The following CACNA1S variants were observed in gnomAD, a reference collection of about 807,000 sequenced individuals.
CACNA1S encodes the protein calcium voltage-gated channel subunit alpha1 S.
In CACNA1S, 126 loss-of-function variants were observed where a neutral mutation model predicts 207.4. The observed-to-expected ratio is 0.61, with a 90% CI of 0.53 to 0.70. The LOEUF (loss-of-function observed/expected upper bound fraction) is 0.70, where lower values mean the gene tolerates loss of function less well. CACNA1S is among the 30% of genes least tolerant of loss of function. The pLI, the probability that CACNA1S is intolerant of heterozygous loss-of-function variation, is 0.00. For missense variants in CACNA1S, 2,349 were observed against 2,422.8 expected, an observed-to-expected ratio of 0.97 and a Z score of 0.64; for synonymous variants, 960 against 932.7, an observed-to-expected ratio of 1.03 and a Z score of -0.53.
intron 35 of CACNA1S, 91 bp downstream of exon 35, chr1:201,048,912 T>A: frequency 9.4e-7 from 1 of 1,069,236 alleles, no homozygotes; most frequent in East Asian, 2.5e-5. Context: ...GGCTCTACAA[T>A]GCTTCACTCC....
Position 201,066,238 on chromosome 1 carries a change from C to A in CACNA1S, c.2736G>T (p.Lys912Asn), listed in dbSNP as rs1432361355. The change falls in exon 21 of 44, where the codon AAG (lysine) becomes AAT (asparagine). Residue 912 changes from lysine to asparagine, a missense_variant. By Grantham distance (94) the Lys-to-Asn change is moderately conservative (BLOSUM62 0). Coordinates refer to ENST00000362061, the MANE Select transcript of CACNA1S (RefSeq NM_000069.3). The surrounding 1 kb of genome is among the most constrained non-coding windows in gnomAD (Gnocchi z 4.3). ...CCGGGCCCTCTCTCACCTTCAACCC[C>A]TTGGCTCTGTTGATGGCTCTGAGTG... ...LRPLRAINRA[K>N]GLKHVVQCMF... 1 of 1,613,934 alleles carries A rather than the reference C, an allele frequency of 6.2e-7. No individual in the cohort carries two copies. Among genetic ancestry groups the A allele is most frequent in the South Asian group, 1.1e-5 (1 of 91,074 alleles).
Position 201,087,944 on chromosome 1 carries a change from A to C in CACNA1S, c.901-15T>G, listed in dbSNP as rs778471635. 2 of 1,554,516 alleles carry C rather than the reference A, an allele frequency of 1.3e-6. No individual in the cohort carries two copies. Among genetic ancestry groups the C allele is most frequent in the South Asian group, 1.1e-5 (1 of 89,230 alleles). ...GCATCATTGACCTGGTCAGGACAGAAGTGTGATCCTCTGAGTTGAGGGCTT... is the reference window on the plus strand; with the variant it reads ...GCATCATTGACCTGGTCAGGACAGACGTGTGATCCTCTGAGTTGAGGGCTT... On this transcript the variant is annotated splice_polypyrimidine_tract_variant and intron_variant, in intron 6 of 43. Coordinates refer to ENST00000362061, the MANE Select transcript of CACNA1S (RefSeq NM_000069.3).
chr1:201,108,968 CT>C (rs2102188921), intron 2 of CACNA1S, among the ~76,000 whole-genome samples: 1 of 152,324 alleles, frequency 6.6e-6, no homozygotes, highest in Non-Finnish European at 1.5e-5. Flanking sequence ...CAGGTTCTGG[CT>C]AGGTGTGGTG....
intron 7 of CACNA1S, among the ~76,000 whole-genome samples, chr1:201,087,153 C>A (rs1314930830): frequency 2.6e-5 from 4 of 152,086 alleles, no homozygotes; most frequent in Non-Finnish European, 5.9e-5. Flanking sequence ...TTAATAATGA[C>A]CATTAGTATT....
chr1:201,107,450 A>G (rs781410725), intron 2 of CACNA1S, among the ~76,000 whole-genome samples: 3 of 152,204 alleles, frequency 2.0e-5, no homozygotes, highest in Non-Finnish European at 4.4e-5. Context: ...TATTATATTT[A>G]CTTGTTTAAT....
At chr1:201,110,840 C>T (rs536275198) in intron 1 of CACNA1S, among the ~76,000 whole-genome samples, 11 of 152,308 alleles carry the variant, frequency 7.2e-5, no homozygotes, top group African/African-American at 2.4e-4. Context: ...ACACCCACCC[C>T]GCCACAGCCA....
Position 201,039,959 on chromosome 1 carries a change from G to A in CACNA1S, c.5494C>T (p.Leu1832=), listed in dbSNP as rs1298036612. The A allele has an allele frequency of 6.2e-7, 1 of 1,610,952 alleles. No individual in the cohort carries two copies. The highest frequency in any genetic ancestry group is 1.7e-5 in the Admixed American group (1 of 59,926). The change falls in exon 44 of 44, where the codon CTA becomes TTA. Residue 1832 remains leucine (L), a synonymous_variant. Transcript: ENST00000362061. ...TCTGGGGCCTCTCGTCCTTTCAGTA[G>A]CTCTGTTGCCATGATCTCCACTTCC... ...PEEVEIMATE[L]LKGREAPEGM...
At chr1:201,073,777 T>C (rs1333213076) in intron 14 of CACNA1S, 135 bp from the exon 15 acceptor site, 2 of 800,878 alleles carry the variant, frequency 2.5e-6, no homozygotes, top group African/African-American at 1.7e-5. Flanking sequence ...AGCCCCCAAA[T>C]GGGAAGGGCA....
At chr1:201,062,147 C>T in intron 23 of CACNA1S, 57 bp from the exon 24 acceptor site, 2 of 1,590,166 alleles carry the variant, frequency 1.3e-6, no homozygotes, top group South Asian at 2.3e-5. Context: ...CTTGCCCCAC[C>T]CACATCCTCT....
chr1:201,044,539 C>G, intron 38 of CACNA1S, 83 bp from the exon 39 acceptor site: 2 of 1,516,752 alleles, frequency 1.3e-6, no homozygotes, highest in Non-Finnish European at 1.8e-6. Context: ...GAGACAGAGT[C>G]TCACTCTGTT....
intron 5 of CACNA1S, among the ~76,000 whole-genome samples, chr1:201,091,408 C>A (rs553837824): frequency 1.5e-4 from 23 of 151,366 alleles, no homozygotes; most frequent in African/African-American, 5.1e-4. Flanking sequence ...AGGGGGGTGA[C>A]GGTGTTTCAG....
At chr1:201,096,498 C>T (rs148101525) in intron 2 of CACNA1S, among the ~76,000 whole-genome samples, 22 of 152,296 alleles carry the variant, frequency 1.4e-4, no homozygotes, top group African/African-American at 5.1e-4. Flanking sequence ...CTGGGTAAGA[C>T]CTGGCTGTCT....
intron 34 of CACNA1S, among the ~76,000 whole-genome samples, chr1:201,050,135 T>G (rs1660603018): frequency 6.6e-6 from 1 of 152,104 alleles, no homozygotes; most frequent in African/African-American, 2.4e-5. Flanking sequence ...GTATATAGCT[T>G]CCTACTCCTA....
intron 1 of CACNA1S, 90 bp from the exon 2 acceptor site, chr1:201,110,359 G>A: frequency 9.2e-7 from 1 of 1,087,794 alleles, no homozygotes; most frequent in Non-Finnish European, 1.4e-6. Context: ...TCTGGACTGT[G>A]ACTCTGATGC....
chr1:201,066,052 G>T lies in CACNA1S; in HGVS notation c.2746-107C>A. The T allele has an allele frequency of 1.1e-6, 1 of 952,330 alleles. No homozygotes were observed. Among genetic ancestry groups the T allele is most frequent in the Non-Finnish European group, 1.7e-6 (1 of 599,998 alleles). The allele number at this position is 952,330 out of a possible 1,614,324, so 59.0% of individuals were successfully genotyped here. ...AAGACTTGCTGCCTCCTGATGAGTT[G>T]GAGGTGGGGAAAGGCTGGTGGGGAA... On this transcript the variant is annotated intron_variant, in intron 21 of 43. Coordinates refer to ENST00000362061, the MANE Select transcript of CACNA1S (RefSeq NM_000069.3). The surrounding 1 kb of genome is among the most constrained non-coding windows in gnomAD (Gnocchi z 4.3).
chr1:201,075,793 G>C (rs964757926), intron 12 of CACNA1S, among the ~76,000 whole-genome samples, 178 bp from the exon 13 acceptor site: 1 of 152,164 alleles, frequency 6.6e-6, no homozygotes, highest in African/African-American at 2.4e-5. Flanking sequence ...TCCAGCTGGG[G>C]AATAGTGGCT....
intron 34 of CACNA1S, 31 bp from the exon 35 acceptor site, chr1:201,049,130 G>A: frequency 1.3e-6 from 2 of 1,488,416 alleles, no homozygotes; most frequent in Non-Finnish European, 1.9e-6. Context: ...TTGTGTACCT[G>A]CTACCCTCCT....
rs764365699 is a variant in CACNA1S, at chr1:201,085,444, A to C, written c.1142T>G (p.Phe381Cys). Residue 381 changes from phenylalanine to cysteine, a missense_variant, in exon 8 of 44, where the codon TTC becomes TGC. Physicochemically the swap from Phe to Cys is radical, Grantham distance 205. Coordinates refer to ENST00000362061, the MANE Select transcript of CACNA1S (RefSeq NM_000069.3). ...AGCCTTTGGGCCCAAACCTTCTCTG[A>C]AGTCCTCAACATCCATGACCTCGCC... ...TQGEVMDVED[F>C]REGKLSLDEG... The C allele has an allele frequency of 6.2e-7, 1 of 1,613,440 alleles. No individual in the cohort carries two copies. The highest frequency in any genetic ancestry group is 8.5e-7 in the Non-Finnish European group (1 of 1,179,944).
rs1361352939 is a variant in CACNA1S, at chr1:201,070,353, G to A, written c.2279C>T (p.Pro760Leu). 6.8e-6 allele frequency: 11 copies of A among 1,613,976 alleles called. No homozygotes were observed. The highest frequency in any genetic ancestry group is 1.3e-5 in the African/African-American group (1 of 74,918). ...CTCTTTCAGCTGCAGCTCAGCCAGGGGACGTGGTCGGGGGCTCAGCGGGAT... is the reference window on the plus strand; with the variant it reads ...CTCTTTCAGCTGCAGCTCAGCCAGGAGACGTGGTCGGGGGCTCAGCGGGAT... The part of the protein sequence containing the change: ...PEIPLSPRPR[P>L]LAELQLKEKA... Residue 760 changes from proline (P) to leucine (L), a missense_variant, in exon 17 of 44, where the codon CCC becomes CTC. Physicochemically the swap from Pro to Leu is moderately conservative, Grantham distance 98 (BLOSUM62 -3). Coordinates refer to ENST00000362061, the MANE Select transcript of CACNA1S (RefSeq NM_000069.3).
Sources: allele counts gnomAD v4.1 joint callset (sites outside exome capture counted in the v4.1 genomes callset), GRCh38; gene constraint gnomAD v4.1.1; non-coding constraint Gnocchi (gnomAD v3.1); transcripts MANE v1.5; gene names NCBI Gene and HGNC (gene_info 2026-07-23, HGNC 2026-07-21).